CR1: variants seen among roughly 807,000 people sequenced by gnomAD.
CR1 encodes the protein complement C3b/C4b receptor 1 (Knops blood group).
A neutral mutation model predicts 187.3 loss-of-function variants in CR1; 116 were observed. The ratio of observed to expected loss-of-function variants is 0.62; its 90% confidence interval spans 0.53 to 0.72. CR1 has a LOEUF of 0.72. CR1 is among the 30% of genes least tolerant of loss of function. CR1 has a pLI of 0.00. For synonymous variants in CR1, 576 were observed against 747.1 expected (o/e 0.77, Z 3.73); for missense variants, 1,731 against 2,110.7 (o/e 0.82, Z 3.52).
intron 29 of CR1, 49 bp from the exon 30 acceptor site, chr1:207,580,191 G>C (rs772920951): frequency 1.1e-5 from 18 of 1,598,880 alleles, no homozygotes; most frequent in Non-Finnish European, 1.5e-5. Context: ...AGGAAGCATA[G>C]GAAATTCCCC....
In CR1 at chr1:207,616,639, TA is replaced by T; in HGVS notation, c.6727del (p.Ile2243PhefsTer19). 1 of 1,613,824 alleles carries T rather than the reference TA, an allele frequency of 6.2e-7. No homozygotes were observed. The highest frequency in any genetic ancestry group is 8.5e-7 in the Non-Finnish European group (1 of 1,179,744). ...GACACACAGGAACTCCCTTTGGAGA[TA>T]TTCCCTATGGAAAAGAAATATCTTA... is the stretch of plus-strand genomic sequence containing the variant. ...GRHTGTPFGD[I>X]PYGKEISYAC... On this transcript the variant is annotated frameshift_variant, in exon 41 of 47. Coordinates refer to ENST00000367049, the MANE Select transcript of CR1 (RefSeq NM_000651.6). LOFTEE classifies it high-confidence loss of function.
Position 207,587,581 on chromosome 1 carries a change from C to CT in CR1, c.5710+17dup. The CT allele has an allele frequency of 6.2e-7, 1 of 1,608,404 alleles. No individual in the cohort carries two copies. The highest frequency in any genetic ancestry group is 8.5e-7 in the Non-Finnish European group (1 of 1,176,556). ...AACTGTAGACGTGAGTAACCCCTCC[C>CT]TGGGAACTACTTCATGTCTGTTAAA... On this transcript the variant is annotated intron_variant, in intron 34 of 46. Transcript: ENST00000367049.
chr1:207,599,016 A>C (rs1443703226), intron 35 of CR1: 1 of 152,236 alleles, frequency 6.6e-6, no homozygotes, highest in Non-Finnish European at 1.5e-5. Context: ...TCTATGTATC[A>C]ACAGAGTGAC....
chr1:207,496,456 G>T lies in CR1; in HGVS notation c.121+68G>T, dbSNP rs1330795836. ...GAACCCGGGGCCCCGCAGAGAACTCGCGTGCAGCGCTGAGCTGCGCTGCTC... is the reference window on the plus strand; with the variant it reads ...GAACCCGGGGCCCCGCAGAGAACTCTCGTGCAGCGCTGAGCTGCGCTGCTC... On this transcript the variant is annotated intron_variant, in intron 1 of 46. Transcript: ENST00000367049. The T allele has an allele frequency of 2.7e-6, 4 of 1,490,852 alleles. No homozygotes were observed. In the African/African-American group the frequency reaches 5.6e-5, roughly 21 times the overall value. The allele number at this position is 1,490,852 out of a possible 1,614,324, so 92.4% of individuals were successfully genotyped here.
At chr1:207,572,566 G>A (rs888878969) in intron 27 of CR1, among the ~76,000 whole-genome samples, 1 of 151,510 alleles carries the variant, frequency 6.6e-6, no homozygotes, top group African/African-American at 2.4e-5. Flanking sequence ...ACAACTTTTA[G>A]ACTCACTGAG....
chr1:207,630,775 G>A, intron 46 of CR1, 154 bp downstream of exon 46: 1 of 502,932 alleles, frequency 2.0e-6, no homozygotes, highest in Non-Finnish European at 3.5e-6. Context: ...TTTTTTTATT[G>A]GATTATTATT....
At chr1:207,522,029 T>C (rs1221557099) in intron 4 of CR1, among the ~76,000 whole-genome samples, 1 of 152,108 alleles carries the variant, frequency 6.6e-6, no homozygotes, top group African/African-American at 2.4e-5. Flanking sequence ...AACAGGTCTG[T>C]AGTTCTAATG....
chr1:207,520,653 T>G (rs1659948225), intron 4 of CR1, among the ~76,000 whole-genome samples: 2 of 152,366 alleles, frequency 1.3e-5, no homozygotes, highest in African/African-American at 4.8e-5. Context: ...ATAAAGATCC[T>G]AAATGAAAAC....
At chr1:207,519,654 T>G (rs555735773) in intron 4 of CR1, among the ~76,000 whole-genome samples, 1 of 152,328 alleles carries the variant, frequency 6.6e-6, no homozygotes, top group South Asian at 2.1e-4. Context: ...TCAGCTGAAT[T>G]AAATTTAAAA....
In CR1 at chr1:207,578,654, A is replaced by T. The variant is rs574664672; in HGVS notation, c.4936+451A>T. Among the ~76,000 whole-genome samples, 16 of 152,372 alleles carry T rather than the reference A, an allele frequency of 1.1e-4. No homozygotes were observed. The South Asian group carries it at 2.5e-3, about 24-fold the overall frequency. The stretch of plus-strand genomic sequence containing the variant: ...AGAGGTTAAATAAATTAGCTAAGTC[A>T]CATGTTCTAAGCGAGACACCCAGGA... On this transcript the variant is annotated intron_variant, in intron 29 of 46. Coordinates refer to ENST00000367049, the MANE Select transcript of CR1 (RefSeq NM_000651.6).
intron 32 of CR1, among the ~76,000 whole-genome samples, chr1:207,584,388 A>G (rs1262649181): frequency 1.3e-5 from 2 of 152,200 alleles, no homozygotes; most frequent in Admixed American, 1.3e-4. Context: ...TATACTCTTT[A>G]TTATTCAGAA....
intron 45 of CR1, among the ~76,000 whole-genome samples, chr1:207,629,945 T>C (rs1265220589): frequency 6.6e-6 from 1 of 152,254 alleles, no homozygotes; most frequent in Non-Finnish European, 1.5e-5. Context: ...TAGTGCCTCA[T>C]TTATGATGCA....
intron 35 of CR1, among the ~76,000 whole-genome samples, chr1:207,597,173 A>T (rs1661472771): frequency 6.6e-6 from 1 of 151,672 alleles, no homozygotes; most frequent in Non-Finnish European, 1.5e-5. Flanking sequence ...GCAAGAATGG[A>T]GTTTGTTTTG....
At chr1:207,544,769 C>T (rs1660264474) in intron 13 of CR1, among the ~76,000 whole-genome samples, 8 of 147,170 alleles carry the variant, frequency 5.4e-5, no homozygotes. Flanking sequence ...ACCCATAGTT[C>T]TTTACCACCC....
rs767536695 is a variant in CR1 at position 207,586,121 on chromosome 1, GT to G, written c.5530+1249del. Among the ~76,000 whole-genome samples, 48 of 63,776 alleles carry G rather than the reference GT, an allele frequency of 7.5e-4. No individual in the cohort carries two copies. In the Admixed American group the frequency reaches 8.6e-3, roughly 11 times the overall value. 41.8% of individuals were successfully genotyped at this position (63,776 alleles called of 152,430 possible). A position where few individuals can be genotyped will look rare whatever the true frequency, so the allele number is the denominator to read the frequency against. On this transcript the variant is annotated intron_variant, in intron 33 of 46. Transcript: ENST00000367049. ...TTTGTTCTGGTTCTTTTTTTGTTTTGTTTTGTGTGTGTGTGTGTGTGTGTGC... is the reference window on the plus strand; with the variant it reads ...TTTGTTCTGGTTCTTTTTTTGTTTTGTTTGTGTGTGTGTGTGTGTGTGTGC...
chr1:207,499,344 C>CA (rs1252866112), intron 1 of CR1, among the ~76,000 whole-genome samples: 1 of 152,090 alleles, frequency 6.6e-6, no homozygotes, highest in Non-Finnish European at 1.5e-5. Context: ...GATGGAGAGA[C>CA]AAAATACGTG....
At position 207,575,773 on chromosome 1, in the gene CR1, A is replaced by C. The variant is rs542409203; in HGVS notation, c.4537+93A>C. On this transcript the variant is annotated intron_variant, in intron 28 of 46. Transcript: ENST00000367049. ...AAGAATGGATCTCATCCCTCTTGGA[A>C]ATGGTATCCTTCTGATATTTGAAGA... 16 of 1,576,184 alleles carry C rather than the reference A, an allele frequency of 1.0e-5. No homozygotes were observed. In the East Asian group the frequency reaches 1.8e-4, roughly 18 times the overall value.
At position 207,609,285 on chromosome 1, in the gene CR1, C is replaced by T; in HGVS notation, c.5897-5C>T. ...GCTGTTTTACCATACTCTTCCTTCT[C>T]TCAGTCATATCTTGTGAGCCACCTC... On this transcript the variant is annotated splice_polypyrimidine_tract_variant and splice_region_variant and intron_variant, in intron 36 of 46. Coordinates refer to ENST00000367049, the MANE Select transcript of CR1 (RefSeq NM_000651.6). 1 of 1,584,080 alleles carries T rather than the reference C, an allele frequency of 6.3e-7. No homozygotes were observed. Among genetic ancestry groups the T allele is most frequent in the South Asian group, 1.1e-5 (1 of 87,096 alleles).
chr1:207,499,168 T>C (rs1659189696), intron 1 of CR1, among the ~76,000 whole-genome samples: 1 of 152,292 alleles, frequency 6.6e-6, no homozygotes, highest in Non-Finnish European at 1.5e-5. Context: ...TGGATAAAGA[T>C]ATACCATGCT....
Sources: gnomAD v4.1 joint callset for allele counts (sites outside exome capture counted in the v4.1 genomes callset) on GRCh38, gnomAD v4.1.1 for gene constraint, MANE v1.5 for transcripts, NCBI Gene and HGNC (gene_info 2026-07-23, HGNC 2026-07-21) for gene names.